KATNAL2: variants seen among roughly 807,000 people sequenced by gnomAD.
KATNAL2 encodes katanin p60 ATPase-containing subunit A-like 2.
KATNAL2 carries 52 observed loss-of-function variants against 76.3 expected under a neutral mutation model. The observed-to-expected ratio is 0.68, with a 90% confidence interval of 0.55 to 0.86. KATNAL2 has a LOEUF of 0.86. Ranked by LOEUF, KATNAL2 falls within the 40% of genes least tolerant of loss-of-function variation. KATNAL2 has a pLI of 0.00. For synonymous variants in KATNAL2, 243 were observed against 244.2 expected (o/e 1.00, Z 0.05); for missense variants, 660 against 668.9 (o/e 0.99, Z 0.15).
chr18:46,919,005 A>ATGTG (rs778074259), intron 1 of KATNAL2, among the ~76,000 whole-genome samples: 6 of 147,180 alleles, frequency 4.1e-5, no homozygotes, highest in Non-Finnish European at 8.9e-5. Flanking sequence ...GTATATATAT[A>ATGTG]TATGTGTGTG....
At chr18:47,035,026 T>C in intron 3 of KATNAL2, 1 of 1,611,710 alleles carries the variant, frequency 6.2e-7, no homozygotes. Context: ...GGTGTTTCGG[T>C]CCACGAGCAC....
chr18:46,925,072 T>A (rs1238656380), intron 1 of KATNAL2, among the ~76,000 whole-genome samples: 1 of 152,078 alleles, frequency 6.6e-6, no homozygotes, highest in East Asian at 1.9e-4. Context: ...AATACCCTTT[T>A]TTTCCTTCTC....
intron 3 of KATNAL2, among the ~76,000 whole-genome samples, chr18:46,960,438 A>AG (rs2059903827): frequency 6.6e-6 from 1 of 151,990 alleles, no homozygotes; most frequent in Non-Finnish European, 1.5e-5. Flanking sequence ...AAAAAAAAAA[A>AG]AAATGAACAG....
intron 10 of KATNAL2, among the ~76,000 whole-genome samples, chr18:47,066,042 G>A (rs553836186): frequency 2.1e-4 from 32 of 151,778 alleles, no homozygotes; most frequent in South Asian, 6.2e-4. Context: ...CTCCTATGGT[G>A]GAGGGAACTG....
In KATNAL2 at chr18:47,041,473, G is replaced by A. The variant is rs575492639; in HGVS notation, c.52-4984G>A. ...ATACAGTATATAGGCTTTTCAATTG[G>A]CTTCTTCCACTTAGTGATATGCATC... On this transcript the variant is annotated intron_variant, in intron 3 of 17. Transcript: ENST00000683218. Among the ~76,000 whole-genome samples, 36 of 152,136 alleles carry A rather than the reference G, an allele frequency of 2.4e-4. No individual in the cohort carries two copies. The South Asian group carries it at 5.4e-3, about 23-fold the overall frequency.
chr18:47,073,388 G>C (rs8093382), intron 13 of KATNAL2, among the ~76,000 whole-genome samples: 2,361 of 152,270 alleles, frequency 0.016, 45 homozygotes, highest in African/African-American at 0.051. Context: ...AGAAGAAACA[G>C]ATAACCTCTG....
chr18:47,052,353 T>C (rs1474630409), intron 4 of KATNAL2, among the ~76,000 whole-genome samples: 1 of 152,238 alleles, frequency 6.6e-6, no homozygotes, highest in East Asian at 1.9e-4. Flanking sequence ...TGTTATCTTA[T>C]ATGAAAGTTC....
At chr18:46,928,777 G>T (rs1345747926) in intron 1 of KATNAL2, among the ~76,000 whole-genome samples, 3 of 152,030 alleles carry the variant, frequency 2.0e-5, no homozygotes, top group African/African-American at 7.2e-5. Flanking sequence ...CCTCCCACCA[G>T]AAACAACTTT....
At chr18:46,932,961 C>T (rs969850142) in intron 1 of KATNAL2, among the ~76,000 whole-genome samples, 16 of 152,086 alleles carry the variant, frequency 1.1e-4, no homozygotes, top group Admixed American at 5.2e-4. Context: ...CAGGGTTTCA[C>T]TATGTTGGCC....
chr18:47,099,059 T>C (rs2063366065), intron 15 of KATNAL2, 184 bp from the exon 16 acceptor site: 1 of 460,032 alleles, frequency 2.2e-6, no homozygotes. Context: ...CTCCCTCAGT[T>C]CTCTTTCTCA....
intron 1 of KATNAL2, chr18:46,920,033 A>C (rs1318658066): frequency 4.7e-6 from 6 of 1,286,578 alleles, no homozygotes; most frequent in Admixed American, 2.3e-5. Context: ...GTAAGAAAAG[A>C]AAAGCAAAGC....
At position 47,076,758 on chromosome 18, in the gene KATNAL2, G is replaced by A. The variant is rs149412241; in HGVS notation, c.1101-593G>A. On this transcript the variant is annotated intron_variant, in intron 14 of 17. Coordinates refer to ENST00000683218, the MANE Select transcript of KATNAL2 (RefSeq NM_001387690.1). ...ACATATAGCAAATATATGGGCAAAT[G>A]CTAATTATATATTATGCTTATAATA... 3.7e-3 allele frequency among the ~76,000 whole-genome samples: 555 copies of A among 148,592 alleles called. 4 individuals carry two copies. The highest frequency in any genetic ancestry group is 0.013 in the African/African-American group (534 of 40,808).
chr18:46,944,961 G>A (rs983707182), intron 1 of KATNAL2, among the ~76,000 whole-genome samples: 1 of 152,092 alleles, frequency 6.6e-6, no homozygotes, highest in Non-Finnish European at 1.5e-5. Flanking sequence ...AAGTATACAG[G>A]ATGATGTGCG....
At chr18:46,952,968 C>T (rs2146716356) in intron 3 of KATNAL2, among the ~76,000 whole-genome samples, 1 of 145,926 alleles carries the variant, frequency 6.9e-6, no homozygotes, top group East Asian at 2.1e-4. Flanking sequence ...GATCTCGGCT[C>T]ACTGCAACCT....
chr18:46,934,060 A>G (rs2059016827), intron 1 of KATNAL2, among the ~76,000 whole-genome samples: 1 of 151,636 alleles, frequency 6.6e-6, no homozygotes, highest in South Asian at 2.1e-4. Context: ...TTGGACATTT[A>G]GGTTGGTTCC....
intron 1 of KATNAL2, among the ~76,000 whole-genome samples, chr18:46,943,430 A>G (rs1170767118): frequency 1.3e-5 from 2 of 152,202 alleles, no homozygotes; most frequent in East Asian, 1.9e-4. Flanking sequence ...AACAGGTTGC[A>G]GTAAAGAAGC....
At chr18:47,064,585 G>T (rs1036965051) in intron 10 of KATNAL2, among the ~76,000 whole-genome samples, 1 of 152,142 alleles carries the variant, frequency 6.6e-6, no homozygotes, top group Admixed American at 6.5e-5. Context: ...AAGAAAAGGA[G>T]ATGGGGAGAC....
At chr18:47,078,317 C>G (rs769389491) in intron 15 of KATNAL2, among the ~76,000 whole-genome samples, 1 of 152,078 alleles carries the variant, frequency 6.6e-6, no homozygotes, top group Non-Finnish European at 1.5e-5. Flanking sequence ...GGGACCCCCC[C>G]CAAACCAGAA....
intron 3 of KATNAL2, 59 bp downstream of exon 3, chr18:46,946,982 C>T: frequency 8.5e-7 from 1 of 1,178,960 alleles, no homozygotes; most frequent in Non-Finnish European, 1.2e-6. Flanking sequence ...ACTGTTGCTG[C>T]GGGACGATTC....
Sources: gnomAD v4.1 joint callset for allele counts (sites outside exome capture counted in the v4.1 genomes callset) on GRCh38, gnomAD v4.1.1 for gene constraint, MANE v1.5 for transcripts, NCBI Gene and HGNC (gene_info 2026-07-23, HGNC 2026-07-21) for gene names.